Variants in UBE2U observed in about 807,000 individuals in gnomAD.
UBE2U encodes ubiquitin-conjugating enzyme E2 U.
UBE2U carries 39 observed loss-of-function variants against 41.2 expected under a neutral mutation model. The ratio of observed to expected loss-of-function variants is 0.95; its 90% CI spans 0.73 to 1.24. The LOEUF is 1.24. Among genes scored for constraint, UBE2U ranks in the 50% most tolerant of loss-of-function variants. The pLI is 0.00. For missense variants in UBE2U, 336 were observed against 363.1 expected (o/e 0.93, Z 0.61); for synonymous variants, 107 against 117.8 (o/e 0.91, Z 0.60).
At chr1:64,239,151 AAGAAG>A (rs1644765081) in intron 7 of UBE2U, among the ~76,000 whole-genome samples, 2 of 23,820 alleles carry the variant, frequency 8.4e-5, no homozygotes, top group Non-Finnish European at 1.4e-4. Flanking sequence ...GAAGAAGAAG[AAGAAG>A]AAAGAAGAAG....
At chr1:64,226,062 A>C (rs1652845462) in intron 6 of UBE2U, among the ~76,000 whole-genome samples, 1 of 152,224 alleles carries the variant, frequency 6.6e-6, no homozygotes. Context: ...AGAGTTGTAC[A>C]CAAATGTTCG....
At chr1:64,247,482 T>C (rs996630475) in intron 8 of UBE2U, among the ~76,000 whole-genome samples, 1 of 152,134 alleles carries the variant, frequency 6.6e-6, no homozygotes, top group African/African-American at 2.4e-5. Context: ...ATGAAGAGAC[T>C]AATGCCTTCC....
chr1:64,216,445 A>G (rs563557930), intron 5 of UBE2U, among the ~76,000 whole-genome samples: 1 of 152,340 alleles, frequency 6.6e-6, no homozygotes, highest in Non-Finnish European at 1.5e-5. Flanking sequence ...AGCTGTTTTC[A>G]AATATTCGAA....
intron 4 of UBE2U, among the ~76,000 whole-genome samples, chr1:64,214,554 T>C (rs554943300): frequency 1.1e-4 from 16 of 152,318 alleles, no homozygotes; most frequent in Admixed American, 5.9e-4. Context: ...TAAATGTATA[T>C]GCTAGGAAGG....
intron 7 of UBE2U, among the ~76,000 whole-genome samples, chr1:64,235,481 CT>C (rs1332910918): frequency 6.6e-6 from 1 of 152,084 alleles, no homozygotes; most frequent in Non-Finnish European, 1.5e-5. Flanking sequence ...CCAACACTAT[CT>C]TTTTTTAATG....
intron 5 of UBE2U, 90 bp downstream of exon 5, chr1:64,215,022 C>T (rs921553896): frequency 2.1e-6 from 2 of 969,054 alleles, no homozygotes; most frequent in African/African-American, 3.2e-5. Flanking sequence ...CATCTGAGGT[C>T]CGGAGTTCGA....
intron 8 of UBE2U, among the ~76,000 whole-genome samples, chr1:64,251,725 C>T (rs1420467890): frequency 6.6e-6 from 1 of 152,170 alleles, no homozygotes; most frequent in Non-Finnish European, 1.5e-5. Context: ...AGGAGATCCC[C>T]TCATGAGCCC....
At chr1:64,260,109 G>A (rs765816765) in intron 8 of UBE2U, among the ~76,000 whole-genome samples, 1 of 152,080 alleles carries the variant, frequency 6.6e-6, no homozygotes, top group Non-Finnish European at 1.5e-5. Flanking sequence ...GCCATACAAT[G>A]TAAAGGATTG....
chr1:64,267,198 C>G lies in UBE2U; in HGVS notation c.944C>G (p.Ser315Ter). ...SWTNTLNTNT[S>*]ED ...ACCAATACTCTCAATACAAATACTT[C>G]AGAAGATTAAGCAGAACATTATCAG... is the stretch of plus-strand genomic sequence containing the variant. The change falls in exon 10 of 10, where the codon TCA becomes TGA. Residue 315 changes from serine to a stop codon, truncating the protein, a stop_gained. Coordinates refer to ENST00000371077, the MANE Select transcript of UBE2U (RefSeq NM_001366232.2). LOFTEE classifies it high-confidence loss of function. 1.3e-6 allele frequency: 2 copies of G among 1,523,390 alleles called. No individual in the cohort carries two copies. Among genetic ancestry groups the G allele is most frequent in the Non-Finnish European group, 1.8e-6 (2 of 1,137,790 alleles). The allele number at this position is 1,523,390 out of a possible 1,614,324, so 94.4% of individuals were successfully genotyped here.
intron 7 of UBE2U, among the ~76,000 whole-genome samples, chr1:64,238,905 G>A (rs998384313): frequency 1.3e-5 from 2 of 151,718 alleles, no homozygotes; most frequent in Non-Finnish European, 2.9e-5. Context: ...AGCCAGGCAT[G>A]GTGGCATGTG....
intron 3 of UBE2U, among the ~76,000 whole-genome samples, chr1:64,207,584 A>G (rs1408432956): frequency 6.6e-6 from 1 of 152,236 alleles, no homozygotes; most frequent in Non-Finnish European, 1.5e-5. Context: ...TTTCATTATT[A>G]TAAAAAAACG....
chr1:64,219,889 C>T (rs763239031), intron 5 of UBE2U, among the ~76,000 whole-genome samples: 1 of 152,192 alleles, frequency 6.6e-6, no homozygotes, highest in Non-Finnish European at 1.5e-5. Flanking sequence ...TGAGCCACTG[C>T]GTGCAGCCAA....
rs533510279 is a variant in UBE2U at position 64,209,729 on chromosome 1, A to G, written c.242-1013A>G. On this transcript the variant is annotated intron_variant, in intron 3 of 9. Coordinates refer to ENST00000371077, the MANE Select transcript of UBE2U (RefSeq NM_001366232.2). The stretch of plus-strand genomic sequence containing the variant: ...GCTATGTACAGTTTTAAGTCTTTAT[A>G]TAAAAAGCCAAATTGCCTTTCGGTG... 2.4e-5 allele frequency among the ~76,000 whole-genome samples: 3 copies of G among 127,304 alleles called. No individual in the cohort carries two copies. In the East Asian group the frequency reaches 7.7e-4, roughly 33 times the overall value. The allele number at this position is 127,304 out of a possible 152,430, so 83.5% of individuals were successfully genotyped here.
chr1:64,239,085 AGGAAGAGG>A (rs1557729539), intron 7 of UBE2U, among the ~76,000 whole-genome samples: 1 of 58,282 alleles, frequency 1.7e-5, no homozygotes, highest in African/African-American at 7.2e-5. Flanking sequence ...GAAGAGGAAG[AGGAAGAGG>A]AAGAAGAAGA....
rs942578759 is a variant in UBE2U, at chr1:64,250,452, C to T, written c.677+8719C>T. On this transcript the variant is annotated intron_variant, in intron 8 of 9. Coordinates refer to ENST00000371077, the MANE Select transcript of UBE2U (RefSeq NM_001366232.2). ...ACTCAGAAAAAAGAAGGAAACACTTCCCAGCACGTTACAGGGTCAGCATTA... is the reference window on the plus strand; with the variant it reads ...ACTCAGAAAAAAGAAGGAAACACTTTCCAGCACGTTACAGGGTCAGCATTA... 5.3e-5 allele frequency among the ~76,000 whole-genome samples: 8 copies of T among 152,156 alleles called. No individual in the cohort carries two copies. The East Asian group carries it at 1.3e-3, about 26-fold the overall frequency.
Position 64,205,665 on chromosome 1 carries a change from A to G in UBE2U, c.93A>G (p.Glu31=). 1.2e-6 allele frequency: 2 copies of G among 1,613,328 alleles called. No homozygotes were observed. The highest frequency in any genetic ancestry group is 1.7e-6 in the Non-Finnish European group (2 of 1,179,594). ...YKGITAKPVS[E]DMMEWEVEIE... ...GTATCACTGCTAAGCCTGTAAGTGA[A>G]GATATGATGGAATGGGAAGTTGAAA... Residue 31 remains glutamate (E), a synonymous_variant, in exon 2 of 10, where the codon GAA becomes GAG. Transcript: ENST00000371077.
rs187777637 is a variant in UBE2U at position 64,238,589 on chromosome 1, A to T, written c.596-3063A>T. 3.9e-5 allele frequency among the ~76,000 whole-genome samples: 6 copies of T among 152,256 alleles called. No homozygotes were observed. In the East Asian group the frequency reaches 1.2e-3, roughly 29 times the overall value. On this transcript the variant is annotated intron_variant, in intron 7 of 9. Coordinates refer to ENST00000371077, the MANE Select transcript of UBE2U (RefSeq NM_001366232.2). ...ATAACGTCTGTAAGAATATGTATGT[A>T]TGTGTGCTTACATGTGTTTGAAGCA...
chr1:64,236,221 A>T (rs1644664087), intron 7 of UBE2U, among the ~76,000 whole-genome samples: 2 of 152,162 alleles, frequency 1.3e-5, no homozygotes, highest in Admixed American at 6.5e-5. Flanking sequence ...TCAATAAGTG[A>T]ACAATAAGTT....
chr1:64,210,393 C>G (rs529521924), intron 3 of UBE2U, among the ~76,000 whole-genome samples: 1 of 152,250 alleles, frequency 6.6e-6, no homozygotes, highest in Admixed American at 6.5e-5. Flanking sequence ...GTCACCATTT[C>G]CAGTCTGGGG....
Sources: gnomAD v4.1 joint callset for allele counts (sites outside exome capture counted in the v4.1 genomes callset) on GRCh38, gnomAD v4.1.1 for gene constraint, MANE v1.5 for transcripts, NCBI Gene and HGNC (gene_info 2026-07-23, HGNC 2026-07-21) for gene names.